The following C16orf46 variants were observed in gnomAD, a reference collection of about 807,000 sequenced individuals.
The protein encoded by C16orf46 is chromosome 16 open reading frame 46.
A neutral mutation model predicts 5.5 loss-of-function variants in C16orf46; 7 were observed. The ratio of observed to expected loss-of-function variants is 1.28; its 90% CI spans 0.73 to 2.40. C16orf46 has a LOEUF of 2.40. Among genes scored for constraint, C16orf46 ranks in the 30% most tolerant of loss-of-function variants. The pLI is 0.00. For missense variants in C16orf46, 614 were observed against 476.0 expected (o/e 1.29, Z -2.70); for synonymous variants, 200 against 184.1 (o/e 1.09, Z -0.70).
chr16:81,058,044 C>CAAAAG (rs1421660661), downstream of C16orf46: 17 of 174,272 alleles, frequency 9.8e-5, no homozygotes, highest in Non-Finnish European at 6.1e-5. Context: ...CAAAACAAAA[C>CAAAAG]AAAACAAAAC....
intron 3 of C16orf46, among the ~76,000 whole-genome samples, chr16:81,054,642 C>A (rs1276948200): frequency 6.6e-6 from 1 of 151,320 alleles, no homozygotes; most frequent in Non-Finnish European, 1.5e-5. Context: ...CACCCGGCCA[C>A]ATGTGATATA....
Position 81,061,193 on chromosome 16 carries a change from T to C in C16orf46, c.1156A>G (p.Ile386Val), listed in dbSNP as rs1597139173. 6.2e-7 allele frequency: 1 copy of C among 1,613,366 alleles called. No homozygotes were observed. The highest frequency in any genetic ancestry group is 1.7e-5 in the Admixed American group (1 of 59,938). Residue 386 changes from isoleucine (I) to valine (V), a missense_variant, in exon 4 of 4, where the codon ATC becomes GTC. Coordinates refer to ENST00000299578, the MANE Select transcript of C16orf46 (RefSeq NM_152337.3). ...ATCCTGTGGGTAGAGACAGGAATGA[T>C]AACTCTGCTCACTGTGAGAGACGGC... ...VLPSLTVSRV[I>V]IPVSTHRIL
At position 81,061,823 on chromosome 16, in the gene C16orf46, C is replaced by T. The variant is rs137925772; in HGVS notation, c.526G>A (p.Ala176Thr). The change falls in exon 4 of 4, where the codon GCC becomes ACC. Residue 176 changes from alanine (A) to threonine (T), a missense_variant. Transcript: ENST00000299578. Reference protein sequence around the residue: ...KEFIWCNKDWAIPGTNRGKAS... With the variant: ...KEFIWCNKDWTIPGTNRGKAS... ...TTGCCCCTATTAGTGCCGGGGATGGCCCAGTCTTTGTTGCACCAAATAAAC... is the reference window on the plus strand; with the variant it reads ...TTGCCCCTATTAGTGCCGGGGATGGTCCAGTCTTTGTTGCACCAAATAAAC... The T allele has an allele frequency of 3.8e-4, 613 of 1,614,060 alleles. No individual in the cohort carries two copies. Among genetic ancestry groups the T allele is most frequent in the Non-Finnish European group, 5.0e-4 (586 of 1,180,046 alleles).
intron 2 of C16orf46, among the ~76,000 whole-genome samples, chr16:81,064,751 A>G (rs1162530520): frequency 9.9e-5 from 15 of 151,712 alleles, no homozygotes; most frequent in Non-Finnish European, 7.4e-5. Context: ...TGTCTCAAAA[A>G]AAAAAAAAAA....
chr16:81,061,499 G>C lies in C16orf46; in HGVS notation c.850C>G (p.Pro284Ala), dbSNP rs1378311053. Residue 284 changes from proline to alanine, a missense_variant, in exon 4 of 4, where the codon CCA becomes GCA. Physicochemically the swap from Pro to Ala is conservative, Grantham distance 27 (BLOSUM62 -1). Coordinates refer to ENST00000299578, the MANE Select transcript of C16orf46 (RefSeq NM_152337.3). ...GTCAGCAGGGATATCTGGGCCGCTG[G>C]GGAAGGGGAGGATGGCGTGTCGTTG... The part of the protein sequence containing the change: ...MVNDTPSSPS[P>A]AAQISLLTDP... The C allele has an allele frequency of 1.7e-5, 28 of 1,613,982 alleles. No individual in the cohort carries two copies. The highest frequency in any genetic ancestry group is 2.4e-5 in the Non-Finnish European group (28 of 1,180,044).
intron 1 of C16orf46, chr16:81,072,013 C>A (rs1971872790): frequency 6.6e-6 from 1 of 152,236 alleles, no homozygotes; most frequent in Non-Finnish European, 1.5e-5. Flanking sequence ...TAGGTAACGT[C>A]CTCCTTCAGT....
intron 3 of C16orf46, among the ~76,000 whole-genome samples, chr16:81,054,848 A>G (rs923264494): frequency 2.6e-5 from 4 of 151,778 alleles, no homozygotes; most frequent in African/African-American, 9.7e-5. Flanking sequence ...GGGTTTTGCC[A>G]TGTTGGCCAG....
intron 1 of C16orf46, among the ~76,000 whole-genome samples, chr16:81,074,134 C>T (rs1233372964): frequency 6.6e-6 from 1 of 152,186 alleles, no homozygotes; most frequent in African/African-American, 2.4e-5. Flanking sequence ...TCTTGGTATT[C>T]TTCTCAAATG....
At chr16:81,056,657 C>T (rs1341095961), downstream of C16orf46, among the ~76,000 whole-genome samples, 2 of 144,846 alleles carry the variant, frequency 1.4e-5, no homozygotes, top group Non-Finnish European at 3.0e-5. Flanking sequence ...GATCGCGCCA[C>T]AGCACTCCAG....
At position 81,061,957 on chromosome 16, in the gene C16orf46, G is replaced by C. The variant is rs773071105; in HGVS notation, c.392C>G (p.Ser131Cys). The C allele has an allele frequency of 3.1e-6, 5 of 1,614,206 alleles. No individual in the cohort carries two copies. The Admixed American group carries it at 8.3e-5, about 27-fold the overall frequency. The change falls in exon 4 of 4, where the codon TCC becomes TGC. Residue 131 changes from serine to cysteine, a missense_variant. Transcript: ENST00000299578. The part of the protein sequence containing the change: ...GGPEKDQSSP[S>C]QTQAAPQGPS... ...GCCCTGGGGGGCTGCCTGAGTCTGG[G>C]AGGGGCTGCTCTGATCCTTCTCTGG...
downstream of C16orf46, chr16:81,060,896 A>T: frequency 2.0e-6 from 2 of 1,024,640 alleles, no homozygotes; most frequent in Non-Finnish European, 2.5e-6. Flanking sequence ...GGCAAGACCA[A>T]TTGGCATTTT....
intron 1 of C16orf46, among the ~76,000 whole-genome samples, chr16:81,073,712 A>G (rs901656914): frequency 6.6e-6 from 1 of 152,372 alleles, no homozygotes; most frequent in Non-Finnish European, 1.5e-5. Flanking sequence ...AAAGCACAAG[A>G]GGAATTCAAT....
At chr16:81,072,543 C>T (rs1597152761) in intron 1 of C16orf46, among the ~76,000 whole-genome samples, 1 of 152,016 alleles carries the variant, frequency 6.6e-6, no homozygotes, top group Non-Finnish European at 1.5e-5. Flanking sequence ...CGCCATCATG[C>T]CAGGCTAATT....
At chr16:81,068,283 C>A (rs1048820364) in intron 1 of C16orf46, among the ~76,000 whole-genome samples, 2 of 152,172 alleles carry the variant, frequency 1.3e-5, no homozygotes, top group African/African-American at 4.8e-5. Context: ...ACAGTAGAGG[C>A]ATACCAGTCG....
chr16:81,065,809 G>T (rs1971635461), intron 2 of C16orf46, among the ~76,000 whole-genome samples: 1 of 129,582 alleles, frequency 7.7e-6, no homozygotes, highest in Admixed American at 8.7e-5. Flanking sequence ...CATAGGCTTA[G>T]TTTTTTTATT....
intron 1 of C16orf46, among the ~76,000 whole-genome samples, chr16:81,073,531 C>T (rs994665448): frequency 6.6e-6 from 1 of 152,110 alleles, no homozygotes; most frequent in Non-Finnish European, 1.5e-5. Context: ...ATAACATCCA[C>T]AAATATGTTA....
rs1322910095 is a variant in C16orf46, at chr16:81,061,006, T to C, written c.*155A>G. The C allele has an allele frequency of 1.0e-5, 14 of 1,350,766 alleles. No homozygotes were observed. Among genetic ancestry groups the C allele is most frequent in the Non-Finnish European group, 1.0e-5 (11 of 1,064,586 alleles). 83.7% of individuals were successfully genotyped at this position (1,350,766 alleles called of 1,614,324 possible). A position where few individuals can be genotyped will look rare whatever the true frequency, so the allele number is the denominator to read the frequency against. On this transcript the variant is annotated 3_prime_UTR_variant, in exon 4 of 4. Coordinates refer to ENST00000299578, the MANE Select transcript of C16orf46 (RefSeq NM_152337.3). Reference sequence around the variant, plus strand: ...GAGGTTCAGTTTTCTTCAGTTGTACTACAAAAAAAAAATGGAGGAAAAGAA... The same window carrying C: ...GAGGTTCAGTTTTCTTCAGTTGTACCACAAAAAAAAAATGGAGGAAAAGAA...
chr16:81,062,879 CTT>C (rs35694573), intron 3 of C16orf46, among the ~76,000 whole-genome samples: 11 of 138,358 alleles, frequency 8.0e-5, no homozygotes, highest in South Asian at 2.3e-4. Context: ...TAGTTTTATG[CTT>C]TTTTTTTTTT....
chr16:81,070,901 C>T lies in C16orf46; in HGVS notation c.-127-4620G>A, dbSNP rs79116675. 2.8e-3 allele frequency among the ~76,000 whole-genome samples: 427 copies of T among 152,244 alleles called. 3 individuals are homozygous for T. Among genetic ancestry groups the T allele is most frequent in the African/African-American group, 9.9e-3 (410 of 41,550 alleles). Reference sequence around the variant, plus strand: ...TGTATAGTTTCACTGCTGGACTCAACTGGTTTATCAGCCTTTGGGGTCAGC... The same window carrying T: ...TGTATAGTTTCACTGCTGGACTCAATTGGTTTATCAGCCTTTGGGGTCAGC... On this transcript the variant is annotated intron_variant, in intron 1 of 3. Coordinates refer to ENST00000299578, the MANE Select transcript of C16orf46 (RefSeq NM_152337.3).
Sources: gnomAD v4.1 joint callset for allele counts (sites outside exome capture counted in the v4.1 genomes callset) on GRCh38, gnomAD v4.1.1 for gene constraint, MANE v1.5 for transcripts, NCBI Gene and HGNC (gene_info 2026-07-23, HGNC 2026-07-21) for gene names.